The following KDM4C variants were observed in gnomAD, a reference collection of about 807,000 sequenced individuals.
The protein encoded by KDM4C is lysine-specific demethylase 4C.
KDM4C carries 81 observed loss-of-function variants against 129.3 expected under a neutral mutation model. That is an observed-to-expected ratio of 0.63 (90% CI 0.52 to 0.75). The LOEUF (loss-of-function observed/expected upper bound fraction) is 0.75. Among genes scored for constraint, KDM4C ranks in the 30% least tolerant of loss-of-function variants. KDM4C has a pLI of 0.00. For synonymous variants in KDM4C, 573 were observed against 456.1 expected (o/e 1.26, Z -3.26); for missense variants, 1,457 against 1,304.0 (o/e 1.12, Z -1.81).
At chr9:6,795,493 G>C (rs1303871783) in intron 2 of KDM4C, among the ~76,000 whole-genome samples, 1 of 151,988 alleles carries the variant, frequency 6.6e-6, no homozygotes. Context: ...CACCATGCCT[G>C]GATAATTTTT....
In KDM4C at chr9:7,028,583, C is replaced by A. The variant is rs1037533718; in HGVS notation, c.2259+12654C>A. Reference sequence around the variant, plus strand: ...GGTGGCACAAGTACTTCCTCAGCTGCCTCGACTGGTGTCTCAGTAAGTTGA... The same window carrying A: ...GGTGGCACAAGTACTTCCTCAGCTGACTCGACTGGTGTCTCAGTAAGTTGA... On this transcript the variant is annotated intron_variant, in intron 15 of 21. Transcript: ENST00000381309. 7.2e-5 allele frequency among the ~76,000 whole-genome samples: 11 copies of A among 152,138 alleles called. No individual in the cohort carries two copies. The South Asian group carries it at 2.3e-3, about 32-fold the overall frequency.
At chr9:6,738,960 C>T (rs954519895) in intron 1 of KDM4C, among the ~76,000 whole-genome samples, 8 of 151,880 alleles carry the variant, frequency 5.3e-5, no homozygotes, top group Non-Finnish European at 8.8e-5. Flanking sequence ...AAATCCTGGG[C>T]TCAATTTATT....
intron 5 of KDM4C, among the ~76,000 whole-genome samples, chr9:6,855,458 CAAAAAAA>C (rs34177301): frequency 0.014 from 995 of 70,042 alleles, 11 homozygotes; most frequent in African/African-American, 0.042. Flanking sequence ...GACTCCGTCT[CAAAAAAA>C]AAAAAAAAAA....
In KDM4C at chr9:7,068,686, C is replaced by CTTTTTTTT. The variant is rs542039227; in HGVS notation, c.2424+19506_2424+19513dup. ...TTCATACATGTTTATGATGCCCTTT[C>CTTTTTTTT]TTTTTTTTTTTTTTTTTTTTTTTTT... is the stretch of plus-strand genomic sequence containing the variant. On this transcript the variant is annotated intron_variant, in intron 17 of 21. Transcript: ENST00000381309. 6.8e-4 allele frequency among the ~76,000 whole-genome samples: 69 copies of CTTTTTTTT among 101,752 alleles called. 2 individuals are homozygous for CTTTTTTTT. The highest frequency in any genetic ancestry group is 1.9e-3 in the African/African-American group (50 of 25,926). 66.8% of individuals were successfully genotyped at this position (101,752 alleles called of 152,430 possible).
At chr9:6,966,622 GGTTTACGTCTA>G (rs1489533847) in intron 8 of KDM4C, among the ~76,000 whole-genome samples, 2 of 151,972 alleles carry the variant, frequency 1.3e-5, no homozygotes, top group Admixed American at 6.5e-5. Context: ...TCTAGTTCTT[GGTTTACGTCTA>G]GATCTTCCTT....
chr9:7,060,766 C>T (rs1328895331), intron 17 of KDM4C, among the ~76,000 whole-genome samples: 2 of 152,066 alleles, frequency 1.3e-5, no homozygotes, highest in African/African-American at 4.8e-5. Flanking sequence ...AGGTGTGAGC[C>T]ACTGTGCCTG....
intron 1 of KDM4C, among the ~76,000 whole-genome samples, chr9:6,738,135 A>AAAACTAAACT (rs200468678): frequency 0.081 from 11,544 of 142,238 alleles, 541 homozygotes; most frequent in African/African-American, 0.12. Context: ...CTCCCTCTCA[A>AAAACTAAACT]AAACTAAACT....
intron 8 of KDM4C, among the ~76,000 whole-genome samples, chr9:6,899,205 C>A (rs972903563): frequency 6.6e-6 from 1 of 151,986 alleles, no homozygotes; most frequent in Admixed American, 6.6e-5. Flanking sequence ...CAGCAAAATT[C>A]AGAGGAAAGT....
chr9:6,876,055 C>G (rs1049959489), intron 5 of KDM4C, among the ~76,000 whole-genome samples: 1 of 152,084 alleles, frequency 6.6e-6, no homozygotes, highest in Non-Finnish European at 1.5e-5. Context: ...TTGGATATTC[C>G]GATGGGTTGC....
chr9:7,077,764 A>C (rs1834089970), intron 17 of KDM4C, among the ~76,000 whole-genome samples: 1 of 152,210 alleles, frequency 6.6e-6, no homozygotes, highest in Admixed American at 6.5e-5. Flanking sequence ...AACACAGTGC[A>C]TGCACCACAT....
intron 1 of KDM4C, among the ~76,000 whole-genome samples, chr9:6,784,280 T>A (rs1257541216): frequency 1.3e-5 from 2 of 152,174 alleles, no homozygotes; most frequent in African/African-American, 4.8e-5. Flanking sequence ...GGGATTAAAA[T>A]CCAGTTATTG....
intron 3 of KDM4C, among the ~76,000 whole-genome samples, chr9:6,806,529 A>ATAAT (rs1167767036): frequency 1.3e-5 from 2 of 150,680 alleles, no homozygotes; most frequent in Non-Finnish European, 2.9e-5. Context: ...AAATAAATAA[A>ATAAT]TAAATAATCC....
chr9:7,014,010 A>C lies in KDM4C; in HGVS notation c.2182+9A>C. The C allele has an allele frequency of 6.3e-7, 1 of 1,598,224 alleles. No homozygotes were observed. The highest frequency in any genetic ancestry group is 8.5e-7 in the Non-Finnish European group (1 of 1,171,028). On this transcript the variant is annotated intron_variant, in intron 14 of 21. Transcript: ENST00000381309. ...CGTACGGGTTCATGCAAGTAAATGGATCTATAATTCATCAATCACTGGCTT... is the reference window on the plus strand; with the variant it reads ...CGTACGGGTTCATGCAAGTAAATGGCTCTATAATTCATCAATCACTGGCTT...
intron 8 of KDM4C, among the ~76,000 whole-genome samples, chr9:6,951,086 T>C (rs1828063013): frequency 6.6e-6 from 1 of 152,202 alleles, no homozygotes; most frequent in Admixed American, 6.5e-5. Context: ...ATTGGGTACA[T>C]AGTGATGTTT....
chr9:6,887,890 C>G, intron 6 of KDM4C, 70 bp from the exon 7 acceptor site: 1 of 917,234 alleles, frequency 1.1e-6, no homozygotes, highest in Non-Finnish European at 1.8e-6. Flanking sequence ...AGAACTTACA[C>G]ATTAAAAAAC....
chr9:6,764,022 G>A (rs1328478999), intron 1 of KDM4C, among the ~76,000 whole-genome samples: 2 of 152,196 alleles, frequency 1.3e-5, no homozygotes, highest in East Asian at 1.9e-4. Flanking sequence ...GCCTCCCAAA[G>A]TGCTGGGATT....
intron 1 of KDM4C, among the ~76,000 whole-genome samples, chr9:6,746,843 A>G (rs1817892744): frequency 6.7e-6 from 1 of 149,942 alleles, no homozygotes; most frequent in African/African-American, 2.4e-5. Context: ...CGTCTCTACT[A>G]AAAATACAAA....
intron 15 of KDM4C, among the ~76,000 whole-genome samples, chr9:7,033,079 A>T (rs534363878): frequency 2.0e-5 from 3 of 150,888 alleles, no homozygotes; most frequent in African/African-American, 7.3e-5. Context: ...TTGAGATCAG[A>T]TTGGCTTATG....
intron 2 of KDM4C, among the ~76,000 whole-genome samples, chr9:6,804,331 T>C (rs931313949): frequency 1.3e-5 from 2 of 152,184 alleles, no homozygotes; most frequent in Non-Finnish European, 2.9e-5. Context: ...AGATTGGCCA[T>C]GGTGGGAGTA....
Sources: allele counts gnomAD v4.1 joint callset (sites outside exome capture counted in the v4.1 genomes callset), GRCh38; gene constraint gnomAD v4.1.1; transcripts MANE v1.5; gene names NCBI Gene and HGNC (gene_info 2026-07-23, HGNC 2026-07-21).